The following CD6 variants were observed in gnomAD, a reference collection of about 807,000 sequenced individuals.
CD6 encodes the protein T-cell differentiation antigen CD6.
CD6 carries 53 observed loss-of-function variants against 75.3 expected under a neutral mutation model. That is an observed-to-expected ratio of 0.70 (90% CI 0.56 to 0.88). The LOEUF is 0.88. CD6 is among the 40% of genes least tolerant of loss of function. The probability of loss-of-function intolerance (pLI) is 0.00; values close to 1 mark genes in which losing one functional copy is unlikely to be tolerated. For synonymous variants in CD6, 359 were observed against 381.5 expected, an observed-to-expected ratio of 0.94 and a Z score of 0.69; for missense variants, 770 against 897.1, an observed-to-expected ratio of 0.86 and a Z score of 1.81.
chr11:60,979,768 G>A (rs1369075711), intron 1 of CD6, among the ~76,000 whole-genome samples: 1 of 152,152 alleles, frequency 6.6e-6, no homozygotes, highest in African/African-American at 2.4e-5. Context: ...CACTGTGCCT[G>A]GCCTAGGCTC....
At chr11:60,997,434 A>G (rs1858358079) in intron 1 of CD6, among the ~76,000 whole-genome samples, 1 of 151,140 alleles carries the variant, frequency 6.6e-6, no homozygotes, top group African/African-American at 2.4e-5. Flanking sequence ...ATAAATTTTT[A>G]GCAGCTGCAT....
At chr11:60,988,301 A>C (rs1857909269) in intron 1 of CD6, among the ~76,000 whole-genome samples, 1 of 151,994 alleles carries the variant, frequency 6.6e-6, no homozygotes, top group Admixed American at 6.6e-5. Flanking sequence ...AGGAACCCAT[A>C]TTTTTTTCCT....
At chr11:61,018,104 G>T (rs1859505977) in intron 11 of CD6, 91 bp downstream of exon 11, 6 of 1,502,342 alleles carry the variant, frequency 4.0e-6, no homozygotes, top group Non-Finnish European at 5.4e-6. Context: ...CTGAGGTCAG[G>T]ATTCTACCCA....
Position 61,008,517 on chromosome 11 carries a change from C to A in CD6, c.470-17C>A. ...TGGTCGGGTGCCCCAGCATCCACAA[C>A]CCCCTCCCACCCCTAGAGAACCGCG... On this transcript the variant is annotated splice_polypyrimidine_tract_variant and intron_variant, in intron 3 of 12. Coordinates refer to ENST00000313421, the MANE Select transcript of CD6 (RefSeq NM_006725.5). 1 of 1,566,472 alleles carries A rather than the reference C, an allele frequency of 6.4e-7. No individual in the cohort carries two copies. Among genetic ancestry groups the A allele is most frequent in the Non-Finnish European group, 8.7e-7 (1 of 1,154,682 alleles).
chr11:61,011,065 G>T lies in CD6; in HGVS notation c.1085-5G>T. On this transcript the variant is annotated splice_polypyrimidine_tract_variant and splice_region_variant and intron_variant, in intron 5 of 12. Transcript: ENST00000313421. ...ATTGAGTGACTGGGCGGTGCTTTCT[G>T]ACAGCTTCCCGGAGTTTGCACAATC... The T allele has an allele frequency of 6.2e-7, 1 of 1,614,052 alleles. No individual in the cohort carries two copies. Among genetic ancestry groups the T allele is most frequent in the South Asian group, 1.1e-5 (1 of 91,080 alleles).
chr11:61,002,170 A>G (rs1858614311), intron 1 of CD6, among the ~76,000 whole-genome samples: 1 of 152,222 alleles, frequency 6.6e-6, no homozygotes, highest in Non-Finnish European at 1.5e-5. Context: ...AGGCTGCATA[A>G]GATGCCATGC....
intron 1 of CD6, among the ~76,000 whole-genome samples, chr11:61,005,263 A>T (rs1858793046): frequency 6.6e-6 from 1 of 152,230 alleles, no homozygotes; most frequent in Non-Finnish European, 1.5e-5. Flanking sequence ...ACAACCAGGG[A>T]GTGGTCAGTG....
chr11:60,999,249 T>G (rs761112134), intron 1 of CD6, among the ~76,000 whole-genome samples: 21 of 151,792 alleles, frequency 1.4e-4, no homozygotes, highest in Non-Finnish European at 1.8e-4. Context: ...TAAATTTAAT[T>G]TACTGATATT....
At position 61,000,029 on chromosome 11, in the gene CD6, G is replaced by A. The variant is rs61899218; in HGVS notation, c.50-6545G>A. Among the ~76,000 whole-genome samples, 1,021 of 152,076 alleles carry A rather than the reference G, an allele frequency of 6.7e-3. 4 individuals carry two copies. Among genetic ancestry groups the A allele is most frequent in the Non-Finnish European group, 0.012 (797 of 67,996 alleles). On this transcript the variant is annotated intron_variant, in intron 1 of 12. Coordinates refer to ENST00000313421, the MANE Select transcript of CD6 (RefSeq NM_006725.5). ...ATCGCATCACTGCACTCCAGCCTGG[G>A]CAACAGAGGGAGAGTGAGACTCTAT...
At chr11:60,975,452 C>A (rs559295891) in intron 1 of CD6, among the ~76,000 whole-genome samples, 2 of 152,274 alleles carry the variant, frequency 1.3e-5, no homozygotes, top group East Asian at 3.9e-4. Flanking sequence ...ATATGATGGG[C>A]TAAATGAATT....
At position 61,011,143 on chromosome 11, in the gene CD6, T is replaced by C; in HGVS notation, c.1150+8T>C. On this transcript the variant is annotated splice_region_variant and intron_variant, in intron 6 of 12. Transcript: ENST00000313421. ...TTCAGACAGTCACTATAGGTAAGTG[T>C]TGCTGGGTACTACGCGGTTTCTCAG... 1 of 1,611,500 alleles carries C rather than the reference T, an allele frequency of 6.2e-7. No individual in the cohort carries two copies. Among genetic ancestry groups the C allele is most frequent in the Middle Eastern group, 1.7e-4 (1 of 6,058 alleles).
At chr11:60,997,671 A>G (rs1048114234) in intron 1 of CD6, among the ~76,000 whole-genome samples, 12 of 152,204 alleles carry the variant, frequency 7.9e-5, no homozygotes, top group Non-Finnish European at 1.3e-4. Flanking sequence ...ATCTGTATTT[A>G]GATTTCATAC....
chr11:60,997,327 C>A (rs553139732), intron 1 of CD6, among the ~76,000 whole-genome samples: 1 of 147,640 alleles, frequency 6.8e-6, no homozygotes, highest in East Asian at 2.0e-4. Context: ...GCGGTGAGCC[C>A]AAGATCATAC....
In CD6 at chr11:61,011,159, G is replaced by T. The variant is rs371627356; in HGVS notation, c.1150+24G>T. ...AGGTAAGTGTTGCTGGGTACTACGCGGTTTCTCAGAAGCTTGGACGTGTGT... is the reference window on the plus strand; with the variant it reads ...AGGTAAGTGTTGCTGGGTACTACGCTGTTTCTCAGAAGCTTGGACGTGTGT... On this transcript the variant is annotated intron_variant, in intron 6 of 12. Transcript: ENST00000313421. 6 of 1,540,306 alleles carry T rather than the reference G, an allele frequency of 3.9e-6. No individual in the cohort carries two copies. The East Asian group carries it at 1.2e-4, about 30-fold the overall frequency.
In CD6 at chr11:61,013,619, G is replaced by C; in HGVS notation, c.1291+56G>C. ...TCCCAGGGGGATGTGAGCCTTGGCA[G>C]AACCCCAGCAGCAGTGGCGTGGTCC... On this transcript the variant is annotated intron_variant, in intron 7 of 12. Transcript: ENST00000313421. 4.4e-6 allele frequency: 7 copies of C among 1,587,574 alleles called. 1 individual carries two copies. In the South Asian group the frequency reaches 7.8e-5, roughly 18 times the overall value.
At chr11:61,008,899 T>TA in intron 4 of CD6, 54 bp downstream of exon 4, 2 of 1,415,670 alleles carry the variant, frequency 1.4e-6, no homozygotes, top group Non-Finnish European at 1.9e-6. Flanking sequence ...ACCATAGGCC[T>TA]ACTGGGCGCC....
chr11:60,990,925 CTGTT>C (rs1858036339), intron 1 of CD6, among the ~76,000 whole-genome samples: 1 of 151,938 alleles, frequency 6.6e-6, no homozygotes, highest in South Asian at 2.1e-4. Flanking sequence ...ACAATACAGT[CTGTT>C]TATTTCCAGC....
chr11:60,990,822 C>T (rs1858033236), intron 1 of CD6, among the ~76,000 whole-genome samples: 1 of 59,388 alleles, frequency 1.7e-5, no homozygotes, highest in African/African-American at 3.5e-5. Flanking sequence ...TGTTCTGAAA[C>T]TTATTATACT....
At chr11:61,017,736 C>T (rs1859477137) in intron 10 of CD6, 23 bp from the exon 11 acceptor site, 1 of 1,613,624 alleles carries the variant, frequency 6.2e-7, no homozygotes, top group Non-Finnish European at 8.5e-7. Flanking sequence ...TCTTTCGTCA[C>T]CATTCTCCCT....
Sources: gnomAD v4.1 joint callset for allele counts (sites outside exome capture counted in the v4.1 genomes callset) on GRCh38, gnomAD v4.1.1 for gene constraint, MANE v1.5 for transcripts, NCBI Gene and HGNC (gene_info 2026-07-23, HGNC 2026-07-21) for gene names.